SH3RF3: variants seen among roughly 807,000 people sequenced by gnomAD.
SH3RF3 encodes SH3 domain containing ring finger 3.
A neutral mutation model predicts 66.3 loss-of-function variants in SH3RF3; 29 were observed. That is an observed-to-expected ratio of 0.44 (90% CI 0.33 to 0.60). The LOEUF is 0.60. SH3RF3 is among the 20% of genes least tolerant of loss of function. The pLI is 0.04. For synonymous variants in SH3RF3, 583 were observed against 532.0 expected (o/e 1.10, Z -1.32); for missense variants, 1,194 against 1,190.9 (o/e 1.00, Z -0.04).
chr2:109,251,014 T>C (rs895849831), intron 1 of SH3RF3, among the ~76,000 whole-genome samples: 3 of 152,118 alleles, frequency 2.0e-5, no homozygotes, highest in Non-Finnish European at 4.4e-5. Flanking sequence ...TTTATTTATT[T>C]TTTTTGAGAT....
rs1416933617 is a variant in SH3RF3, at chr2:109,170,301, T to C, written c.573+40188T>C. ...TCTCTTCTCTTCTCTTCTCTTCTCT[T>C]CTCTTCTCTTCTCTCCTCTCTCTCT... On this transcript the variant is annotated intron_variant, in intron 1 of 9. Coordinates refer to ENST00000309415, the MANE Select transcript of SH3RF3 (RefSeq NM_001099289.3). Among the ~76,000 whole-genome samples, 66 of 111,214 alleles carry C rather than the reference T, an allele frequency of 5.9e-4. 2 individuals carry two copies. The highest frequency in any genetic ancestry group is 2.0e-3 in the African/African-American group (56 of 27,436). The allele number at this position is 111,214 out of a possible 152,430, so 73.0% of individuals were successfully genotyped here. A position where few individuals can be genotyped will look rare whatever the true frequency, so the allele number is the denominator to read the frequency against.
At chr2:109,183,220 A>T (rs369715518) in intron 1 of SH3RF3, among the ~76,000 whole-genome samples, 2 of 152,238 alleles carry the variant, frequency 1.3e-5, no homozygotes, top group South Asian at 4.1e-4. Context: ...GCCTTCTTGT[A>T]TACTGATTCT....
chr2:109,487,912 CG>C (rs36186537), intron 8 of SH3RF3, among the ~76,000 whole-genome samples: 13,327 of 152,316 alleles, frequency 0.087, 816 homozygotes, highest in African/African-American at 0.18. Context: ...AAAACAAACA[CG>C]ACCCCTGTAC....
chr2:109,188,575 G>A (rs1005301525), intron 1 of SH3RF3, among the ~76,000 whole-genome samples: 10 of 152,214 alleles, frequency 6.6e-5, no homozygotes, highest in African/African-American at 2.4e-4. Context: ...CCTATGGAGG[G>A]GCAGGGGTCC....
In SH3RF3 at chr2:109,437,142, A is replaced by T. The variant is rs757570240; in HGVS notation, c.1824A>T (p.Ser608=). 1 of 1,609,120 alleles carries T rather than the reference A, an allele frequency of 6.2e-7. No homozygotes were observed. Among genetic ancestry groups the T allele is most frequent in the Non-Finnish European group, 8.5e-7 (1 of 1,176,762 alleles). The stretch of plus-strand genomic sequence containing the variant: ...CCAGCCAAGCCCGGAGCACCATTTC[A>T]ACAGGTACCTTCACAGGGGCCTCAC... The part of the protein sequence containing the change: ...PTASQARSTI[S]TAAHSAAQAQ... Residue 608 remains serine (S), a synonymous_variant, in exon 7 of 10, where the codon TCA becomes TCT. Coordinates refer to ENST00000309415, the MANE Select transcript of SH3RF3 (RefSeq NM_001099289.3).
chr2:109,356,790 A>G (rs1682951728), intron 2 of SH3RF3, among the ~76,000 whole-genome samples: 1 of 151,916 alleles, frequency 6.6e-6, no homozygotes, highest in Non-Finnish European at 1.5e-5. Flanking sequence ...TGCAAATCCC[A>G]CCCTCCTGGG....
chr2:109,406,802 G>A (rs944020921), intron 4 of SH3RF3, among the ~76,000 whole-genome samples: 3 of 152,168 alleles, frequency 2.0e-5, no homozygotes, highest in African/African-American at 7.2e-5. Flanking sequence ...GAAGCAACCA[G>A]TGCAGAGGCT....
At chr2:109,191,300 T>C (rs1176075279) in intron 1 of SH3RF3, among the ~76,000 whole-genome samples, 2 of 152,174 alleles carry the variant, frequency 1.3e-5, no homozygotes, top group African/African-American at 2.4e-5. Context: ...GGAAAGTAAG[T>C]GTGCAATGCC....
At chr2:109,164,114 T>A (rs375788425) in intron 1 of SH3RF3, among the ~76,000 whole-genome samples, 86 of 152,288 alleles carry the variant, frequency 5.6e-4, no homozygotes, top group African/African-American at 2.0e-3. Context: ...TTCTCTTGTG[T>A]CTGTTAAATC....
chr2:109,135,986 C>T (rs1379972308), intron 1 of SH3RF3, among the ~76,000 whole-genome samples: 1 of 152,194 alleles, frequency 6.6e-6, no homozygotes, highest in African/African-American at 2.4e-5. Flanking sequence ...AGCCCACCTC[C>T]GTCATCCGTA....
At position 109,259,381 on chromosome 2, in the gene SH3RF3, G is replaced by C. The variant is rs144434102; in HGVS notation, c.574-88293G>C. On this transcript the variant is annotated intron_variant, in intron 1 of 9. Transcript: ENST00000309415. ...AGAGCCGGAGGCATCCTACATACCT[G>C]CATGCAAGGGGAGGCTGGGCCTCCA... is the stretch of plus-strand genomic sequence containing the variant. 5.3e-3 allele frequency among the ~76,000 whole-genome samples: 803 copies of C among 152,312 alleles called. 8 individuals are homozygous for C. Among genetic ancestry groups the C allele is most frequent in the African/African-American group, 0.018 (767 of 41,582 alleles).
At chr2:109,258,771 G>T (rs1290773491) in intron 1 of SH3RF3, among the ~76,000 whole-genome samples, 1 of 152,226 alleles carries the variant, frequency 6.6e-6, no homozygotes. Flanking sequence ...GGCCTGCACT[G>T]CTGTTGTCCT....
chr2:109,244,226 A>G (rs1679856882), intron 1 of SH3RF3, among the ~76,000 whole-genome samples: 1 of 152,236 alleles, frequency 6.6e-6, no homozygotes, highest in Non-Finnish European at 1.5e-5. Flanking sequence ...GAGATAAAAC[A>G]TGACGGGGGC....
In SH3RF3 at chr2:109,402,898, G is replaced by A. The variant is rs546939492; in HGVS notation, c.1299+3955G>A. On this transcript the variant is annotated intron_variant, in intron 4 of 9. Transcript: ENST00000309415. ...TGGGTTCTGTAGAAAGGTCCAAACA[G>A]CAGGCGTCTGCCCTGGAAAAGCAGC... Among the ~76,000 whole-genome samples the A allele has an allele frequency of 6.1e-4, 93 of 152,276 alleles. 1 individual carries two copies. The highest frequency in any genetic ancestry group is 2.2e-3 in the African/African-American group (92 of 41,552).
chr2:109,237,908 A>T (rs2105208392), intron 1 of SH3RF3, among the ~76,000 whole-genome samples: 1 of 152,388 alleles, frequency 6.6e-6, no homozygotes, highest in South Asian at 2.1e-4. Context: ...GCTATGGTAT[A>T]TAAATTAACT....
At chr2:109,469,905 G>T (rs1163954572) in intron 8 of SH3RF3, among the ~76,000 whole-genome samples, 1 of 152,186 alleles carries the variant, frequency 6.6e-6, no homozygotes, top group African/African-American at 2.4e-5. Flanking sequence ...TTCTGTGGGG[G>T]TCTGAGCCTG....
At chr2:109,171,059 G>T (rs1460174059) in intron 1 of SH3RF3, among the ~76,000 whole-genome samples, 3 of 152,162 alleles carry the variant, frequency 2.0e-5, no homozygotes, top group Non-Finnish European at 1.5e-5. Context: ...TCCTGGTTTG[G>T]TTCATGGGCA....
At chr2:109,152,066 A>G (rs146193407) in intron 1 of SH3RF3, among the ~76,000 whole-genome samples, 343 of 152,304 alleles carry the variant, frequency 2.3e-3, no homozygotes, top group African/African-American at 7.8e-3. Flanking sequence ...TCAGCAGTCT[A>G]TTTTCAGTGG....
intron 2 of SH3RF3, among the ~76,000 whole-genome samples, chr2:109,351,092 T>C (rs1471868746): frequency 2.0e-5 from 3 of 152,270 alleles, no homozygotes; most frequent in Admixed American, 6.5e-5. Context: ...GTAAAGCAGC[T>C]TTAAAAAGTG....
Sources: gnomAD v4.1 joint callset for allele counts (sites outside exome capture counted in the v4.1 genomes callset) on GRCh38, gnomAD v4.1.1 for gene constraint, MANE v1.5 for transcripts, NCBI Gene and HGNC (gene_info 2026-07-23, HGNC 2026-07-21) for gene names.